The following SMIM31 variants were observed in gnomAD, a reference collection of about 807,000 sequenced individuals.
SMIM31 encodes human epithelial cell program regulator.
At chr4:164,789,987 A>G (rs1733079154) in intron 2 of SMIM31, among the ~76,000 whole-genome samples, 8 of 152,200 alleles carry the variant, frequency 5.3e-5, no homozygotes, top group Admixed American at 5.2e-4. Context: ...CCTAAAATAC[A>G]CATTTATTCA....
chr4:164,784,059 T>G (rs1445467109), intron 2 of SMIM31, among the ~76,000 whole-genome samples: 2 of 152,218 alleles, frequency 1.3e-5, no homozygotes, highest in Non-Finnish European at 2.9e-5. Context: ...TACACATCAT[T>G]GGCTGGAAGA....
intron 2 of SMIM31, among the ~76,000 whole-genome samples, chr4:164,784,283 T>C (rs573345886): frequency 5.9e-5 from 9 of 152,358 alleles, no homozygotes; most frequent in Non-Finnish European, 1.0e-4. Flanking sequence ...TGAGTTATTA[T>C]AGACTAATGA....
chr4:164,755,529 GGGAGA>G lies in SMIM31; in HGVS notation c.-26+1128_-26+1132del, dbSNP rs1560821416. Among the ~76,000 whole-genome samples the G allele has an allele frequency of 4.5e-3, 391 of 87,056 alleles. 13 individuals are homozygous for G. Among genetic ancestry groups the G allele is most frequent in the African/African-American group, 0.013 (258 of 19,506 alleles). The allele number at this position is 87,056 out of a possible 152,430, so 57.1% of individuals were successfully genotyped here. Reference sequence around the variant, plus strand: ...GGAGGGGGGAGGAGAGGGGAAGGGAGGGAGAGGAGAGGAGGGGAGGGGAGGGGAGG... The same window carrying G: ...GGAGGGGGGAGGAGAGGGGAAGGGAGGGAGAGGAGGGGAGGGGAGGGGAGG... On this transcript the variant is annotated intron_variant, in intron 1 of 2. Transcript: ENST00000507311.
intron 2 of SMIM31, among the ~76,000 whole-genome samples, chr4:164,790,576 T>C (rs571929421): frequency 6.6e-6 from 1 of 152,184 alleles, no homozygotes; most frequent in East Asian, 1.9e-4. Flanking sequence ...CAAAGGCTTC[T>C]GAAAAACAAA....
intron 1 of SMIM31, among the ~76,000 whole-genome samples, chr4:164,755,539 A>AGGAAGGGAGGGGAGG (rs1560821435): frequency 2.6e-4 from 3 of 11,436 alleles, no homozygotes; most frequent in African/African-American, 1.1e-3. Context: ...GGGAGAGGAG[A>AGGAAGGGAGGGGAGG]GGAGGGGAGG....
At chr4:164,765,338 A>C (rs1579061942) in intron 1 of SMIM31, among the ~76,000 whole-genome samples, 1 of 152,218 alleles carries the variant, frequency 6.6e-6, no homozygotes, top group Non-Finnish European at 1.5e-5. Flanking sequence ...GGTGTCAGGG[A>C]GTAAATAAGA....
At chr4:164,761,872 G>A (rs1020263088) in intron 1 of SMIM31, among the ~76,000 whole-genome samples, 3 of 151,752 alleles carry the variant, frequency 2.0e-5, no homozygotes, top group Non-Finnish European at 2.9e-5. Context: ...GAAGTGAGCC[G>A]AGATCCTGCC....
At chr4:164,798,366 T>G (rs1031104342) in intron 2 of SMIM31, among the ~76,000 whole-genome samples, 2 of 152,032 alleles carry the variant, frequency 1.3e-5, no homozygotes, top group Non-Finnish European at 2.9e-5. Flanking sequence ...CCTGAGTAGC[T>G]GGGACTACAG....
At chr4:164,784,253 C>T (rs774990673) in intron 2 of SMIM31, among the ~76,000 whole-genome samples, 1 of 152,208 alleles carries the variant, frequency 6.6e-6, no homozygotes, top group Non-Finnish European at 1.5e-5. Context: ...CCAAGCTTGA[C>T]TCCCAAGACT....
chr4:164,789,712 T>C (rs893143391), intron 2 of SMIM31, among the ~76,000 whole-genome samples: 1 of 152,230 alleles, frequency 6.6e-6, no homozygotes, highest in Non-Finnish European at 1.5e-5. Context: ...CAAATGTGTT[T>C]GCATTACCAC....
intron 1 of SMIM31, among the ~76,000 whole-genome samples, chr4:164,758,051 AT>A (rs1732589846): frequency 1.3e-5 from 2 of 152,216 alleles, no homozygotes; most frequent in South Asian, 4.1e-4. Flanking sequence ...CTCTCAATTT[AT>A]TTAGATATTT....
At chr4:164,759,421 T>C (rs899960809) in intron 1 of SMIM31, among the ~76,000 whole-genome samples, 3 of 152,190 alleles carry the variant, frequency 2.0e-5, no homozygotes, top group African/African-American at 7.2e-5. Context: ...ATTTGGTATG[T>C]TACATATGTT....
Position 164,779,308 on chromosome 4 carries a change from G to T in SMIM31, c.112+8753G>T, listed in dbSNP as rs142646189. The stretch of plus-strand genomic sequence containing the variant: ...AGCTAATACTTCACAACATAGTTCT[G>T]CGGGTGCCAAAGGCCACAGGCACCA... On this transcript the variant is annotated intron_variant, in intron 2 of 2. Coordinates refer to ENST00000507311, the MANE Select transcript of SMIM31 (RefSeq NM_001352885.1). Among the ~76,000 whole-genome samples, 328 of 152,270 alleles carry T rather than the reference G, an allele frequency of 2.2e-3. 2 individuals carry two copies. The highest frequency in any genetic ancestry group is 7.6e-3 in the African/African-American group (316 of 41,544).
chr4:164,756,487 G>C (rs1290631355), intron 1 of SMIM31, among the ~76,000 whole-genome samples: 2 of 151,858 alleles, frequency 1.3e-5, no homozygotes, highest in African/African-American at 2.4e-5. Context: ...TAGGAGAATG[G>C]CATGAACCTG....
At chr4:164,775,121 C>G (rs899372460) in intron 2 of SMIM31, among the ~76,000 whole-genome samples, 2 of 152,150 alleles carry the variant, frequency 1.3e-5, no homozygotes, top group Non-Finnish European at 2.9e-5. Context: ...AGAAATTCCA[C>G]CAACCTTTTA....
chr4:164,780,876 T>A (rs1422934548), intron 2 of SMIM31, among the ~76,000 whole-genome samples: 1 of 152,178 alleles, frequency 6.6e-6, no homozygotes, highest in Non-Finnish European at 1.5e-5. Context: ...AGTGGCACAA[T>A]CATAGCTCAC....
At chr4:164,792,501 G>T (rs1416926962) in intron 2 of SMIM31, among the ~76,000 whole-genome samples, 2 of 152,064 alleles carry the variant, frequency 1.3e-5, no homozygotes, top group Non-Finnish European at 2.9e-5. Context: ...AGAACATGAA[G>T]ATGCAGTCTA....
At chr4:164,763,090 T>C (rs537076653) in intron 1 of SMIM31, among the ~76,000 whole-genome samples, 23 of 152,292 alleles carry the variant, frequency 1.5e-4, no homozygotes, top group Non-Finnish European at 3.1e-4. Flanking sequence ...TTATATACAG[T>C]GTATATACCC....
chr4:164,776,845 C>T (rs978111549), intron 2 of SMIM31, among the ~76,000 whole-genome samples: 2 of 152,198 alleles, frequency 1.3e-5, no homozygotes, highest in Non-Finnish European at 2.9e-5. Context: ...CATTCTATAG[C>T]TCTTCCTACC....
Sources: allele counts gnomAD v4.1 joint callset (sites outside exome capture counted in the v4.1 genomes callset), GRCh38; gene constraint gnomAD v4.1.1; transcripts MANE v1.5; gene names NCBI Gene and HGNC (gene_info 2026-07-23, HGNC 2026-07-21).